Variants in FAM13A observed in about 807,000 individuals in gnomAD.
FAM13A encodes the protein family with sequence similarity 13 member A.
FAM13A carries 76 observed loss-of-function variants against 129.6 expected under a neutral mutation model. That is an observed-to-expected ratio of 0.59 (90% CI 0.49 to 0.71). The LOEUF is 0.71. FAM13A is among the 30% of genes least tolerant of loss of function. FAM13A has a pLI of 0.00. For synonymous variants in FAM13A, 443 were observed against 449.9 expected, an observed-to-expected ratio of 0.98 and a Z score of 0.20; for missense variants, 1,108 against 1,249.3, an observed-to-expected ratio of 0.89 and a Z score of 1.70.
chr4:89,055,940 A>G (rs1488171807), intron 1 of FAM13A, among the ~76,000 whole-genome samples: 1 of 152,314 alleles, frequency 6.6e-6, no homozygotes, highest in South Asian at 2.1e-4. Flanking sequence ...TGTGTGTCAA[A>G]AATTGCTCAG....
At chr4:88,855,790 A>T (rs151017569) in intron 6 of FAM13A, 43 of 152,334 alleles carry the variant, frequency 2.8e-4, no homozygotes, top group African/African-American at 9.9e-4. Flanking sequence ...ACATTAAAAT[A>T]TCATGCCTCA....
chr4:88,835,185 G>GC (rs1195870083), intron 7 of FAM13A, among the ~76,000 whole-genome samples: 1 of 152,034 alleles, frequency 6.6e-6, no homozygotes, highest in African/African-American at 2.4e-5. Flanking sequence ...GAACCACTTT[G>GC]CCCCCTATCG....
At chr4:88,728,749 CTT>C (rs892958685) in intron 23 of FAM13A, 90 bp from the exon 24 acceptor site, 22 of 1,495,138 alleles carry the variant, frequency 1.5e-5, no homozygotes, top group Non-Finnish European at 1.9e-5. Context: ...TGTTTAGAAA[CTT>C]TGCAGTTTAT....
chr4:88,749,043 G>C lies in FAM13A; in HGVS notation c.2080-10C>G. The C allele has an allele frequency of 6.2e-7, 1 of 1,602,768 alleles. No individual in the cohort carries two copies. The highest frequency in any genetic ancestry group is 8.5e-7 in the Non-Finnish European group (1 of 1,170,010). On this transcript the variant is annotated splice_polypyrimidine_tract_variant and intron_variant, in intron 16 of 23. Coordinates refer to ENST00000264344, the MANE Select transcript of FAM13A (RefSeq NM_014883.4). ...TGTCACTGTGGGAAGGCTGAGAAAA[G>C]GAAGTCTAGAGTAAATGCTTTGGAA...
intron 13 of FAM13A, among the ~76,000 whole-genome samples, chr4:88,765,106 G>A (rs1406955094): frequency 1.3e-5 from 2 of 152,136 alleles, no homozygotes; most frequent in Admixed American, 1.3e-4. Flanking sequence ...ATTTGCCTTT[G>A]AGCAGCAGAT....
chr4:88,836,068 C>A (rs76871980), intron 7 of FAM13A, among the ~76,000 whole-genome samples: 2,548 of 152,108 alleles, frequency 0.017, 70 homozygotes, highest in African/African-American at 0.058. Flanking sequence ...AAAATATAGA[C>A]AAGATTAAAG....
At chr4:88,772,463 C>T (rs1392450497) in intron 11 of FAM13A, among the ~76,000 whole-genome samples, 2 of 152,162 alleles carry the variant, frequency 1.3e-5, no homozygotes, top group Non-Finnish European at 2.9e-5. Flanking sequence ...ATTTCCCAGC[C>T]TCTCTCGTGA....
At chr4:89,006,911 C>A (rs1011710729) in intron 3 of FAM13A, among the ~76,000 whole-genome samples, 9 of 152,126 alleles carry the variant, frequency 5.9e-5, no homozygotes, top group Non-Finnish European at 1.3e-4. Flanking sequence ...TCAGTCGCTT[C>A]TTCTCCTCTC....
chr4:88,944,237 A>C (rs563773815), intron 4 of FAM13A, among the ~76,000 whole-genome samples: 56 of 152,302 alleles, frequency 3.7e-4, no homozygotes, highest in South Asian at 6.2e-4. Flanking sequence ...CTATGGTTCC[A>C]GCTACCCAGG....
chr4:88,939,884 A>G (rs1754472261), intron 4 of FAM13A, among the ~76,000 whole-genome samples: 1 of 152,168 alleles, frequency 6.6e-6, no homozygotes, highest in African/African-American at 2.4e-5. Context: ...CAAAGAAATG[A>G]ACTCTGCCAA....
chr4:88,865,422 T>C (rs1476690021), intron 6 of FAM13A, among the ~76,000 whole-genome samples: 1 of 152,242 alleles, frequency 6.6e-6, no homozygotes, highest in Non-Finnish European at 1.5e-5. Flanking sequence ...AGTTTATACC[T>C]TATAGCTAAT....
chr4:88,868,737 C>T (rs1740868680), intron 6 of FAM13A, among the ~76,000 whole-genome samples: 1 of 152,162 alleles, frequency 6.6e-6, no homozygotes, highest in Admixed American at 6.6e-5. Context: ...TCCCTTTGTA[C>T]TCTTTTACAA....
intron 4 of FAM13A, among the ~76,000 whole-genome samples, chr4:88,939,493 G>A (rs568027787): frequency 1.2e-3 from 180 of 152,240 alleles, no homozygotes; most frequent in African/African-American, 4.1e-3. Flanking sequence ...AATCACATCT[G>A]CAAAGATTCT....
At chr4:88,940,102 A>G (rs564680453) in intron 4 of FAM13A, among the ~76,000 whole-genome samples, 2 of 152,318 alleles carry the variant, frequency 1.3e-5, no homozygotes, top group Admixed American at 6.5e-5. Flanking sequence ...TTGTTACACT[A>G]CCATACAGAG....
chr4:89,011,969 T>C (rs1765796806), intron 3 of FAM13A, among the ~76,000 whole-genome samples: 3 of 152,202 alleles, frequency 2.0e-5, no homozygotes, highest in Admixed American at 2.0e-4. Flanking sequence ...TTCTTTGTAT[T>C]ACTCAGTATC....
chr4:88,807,776 A>G (rs1210327018), intron 7 of FAM13A, among the ~76,000 whole-genome samples: 1 of 152,234 alleles, frequency 6.6e-6, no homozygotes. Flanking sequence ...TTATTAAAAT[A>G]TACTGGCACG....
intron 7 of FAM13A, among the ~76,000 whole-genome samples, chr4:88,842,099 C>T (rs1011384666): frequency 3.9e-5 from 6 of 152,172 alleles, no homozygotes; most frequent in African/African-American, 1.4e-4. Context: ...AGTACTGATA[C>T]ATGCTACAAC....
chr4:88,747,906 T>C, intron 17 of FAM13A, 55 bp from the exon 18 acceptor site: 1 of 1,304,532 alleles, frequency 7.7e-7, no homozygotes, highest in East Asian at 2.4e-5. Flanking sequence ...TTTATTTATT[T>C]TGAGATGGAG....
chr4:88,728,258 A>G lies in FAM13A; in HGVS notation c.*275T>C, dbSNP rs1231857907. On this transcript the variant is annotated 3_prime_UTR_variant, in exon 24 of 24. Coordinates refer to ENST00000264344, the MANE Select transcript of FAM13A (RefSeq NM_014883.4). ...CTGCTAGTGTTAGGAAAGCTCCACT[A>G]CTGTGTGTGTGTGTGCGTGCATGCG... 1.3e-5 allele frequency: 6 copies of G among 468,606 alleles called. No individual in the cohort carries two copies. The highest frequency in any genetic ancestry group is 1.9e-5 in the Non-Finnish European group (5 of 256,540). The allele number at this position is 468,606 out of a possible 1,614,324, so 29.0% of individuals were successfully genotyped here. A position where few individuals can be genotyped will look rare whatever the true frequency, so the allele number is the denominator to read the frequency against.
Sources: gnomAD v4.1 joint callset for allele counts (sites outside exome capture counted in the v4.1 genomes callset) on GRCh38, gnomAD v4.1.1 for gene constraint, MANE v1.5 for transcripts, NCBI Gene and HGNC (gene_info 2026-07-23, HGNC 2026-07-21) for gene names.